Variants in LAMA2 observed in about 807,000 individuals in gnomAD.
The protein encoded by LAMA2 is laminin subunit alpha-2.
LAMA2 carries 269 observed loss-of-function variants against 364.8 expected under a neutral mutation model. That is an observed-to-expected ratio of 0.74 (90% CI 0.67 to 0.82). The LOEUF (loss-of-function observed/expected upper bound fraction) is 0.82. Among genes scored for constraint, LAMA2 ranks in the 40% least tolerant of loss-of-function variants. LAMA2 has a pLI of 0.00. For synonymous variants in LAMA2, 1,379 were observed against 1,370.6 expected, an observed-to-expected ratio of 1.01 and a Z score of -0.14; for missense variants, 3,807 against 3,873.2, an observed-to-expected ratio of 0.98 and a Z score of 0.45.
At chr6:129,235,343 C>T (rs1784915506) in intron 12 of LAMA2, among the ~76,000 whole-genome samples, 1 of 152,136 alleles carries the variant, frequency 6.6e-6, no homozygotes. Flanking sequence ...GACACTGGTG[C>T]TCCCCCTGTG....
chr6:128,963,860 G>A (rs1037150233), intron 1 of LAMA2, among the ~76,000 whole-genome samples: 4 of 152,106 alleles, frequency 2.6e-5, no homozygotes, highest in African/African-American at 9.7e-5. Flanking sequence ...CATCTGAATA[G>A]TCTAAATTAT....
chr6:128,951,923 G>A (rs185716981), intron 1 of LAMA2, among the ~76,000 whole-genome samples: 103 of 152,326 alleles, frequency 6.8e-4, no homozygotes, highest in Non-Finnish European at 1.3e-3. Context: ...ACAGCACTTT[G>A]GGAGGCTTGT....
rs559221653 is a variant in LAMA2, at chr6:129,458,745, C to T, written c.6868-1455C>T. On this transcript the variant is annotated intron_variant, in intron 48 of 64. Transcript: ENST00000421865. ...CATGTTGATGGGTTTAACCTAAAAC[C>T]ATAGCAGTAGGCTATACCATAGAGC... Among the ~76,000 whole-genome samples the T allele has an allele frequency of 4.1e-4, 63 of 152,096 alleles. 1 individual carries two copies. The highest frequency in any genetic ancestry group is 2.2e-3 in the Admixed American group (34 of 15,240).
At chr6:128,920,319 A>T (rs1417366162) in intron 1 of LAMA2, among the ~76,000 whole-genome samples, 1 of 151,872 alleles carries the variant, frequency 6.6e-6, no homozygotes, top group Admixed American at 6.6e-5. Flanking sequence ...CACCACGCCC[A>T]GCTAATTTTT....
intron 51 of LAMA2, among the ~76,000 whole-genome samples, chr6:129,470,251 G>T (rs374137507): frequency 3.3e-5 from 5 of 151,792 alleles, no homozygotes; most frequent in East Asian, 1.9e-4. Context: ...ACAAAAAAAA[G>T]TAAGTTAAGT....
rs555680301 is a variant in LAMA2, at chr6:129,484,923, A to T, written c.7750-1551A>T. 2.0e-5 allele frequency among the ~76,000 whole-genome samples: 3 copies of T among 152,290 alleles called. No homozygotes were observed. The East Asian group carries it at 5.8e-4, about 29-fold the overall frequency. ...TATTATACAGTGTTAACGCAGCTTCATCGTTTACATGTATATCACTCATAT... is the reference window on the plus strand; with the variant it reads ...TATTATACAGTGTTAACGCAGCTTCTTCGTTTACATGTATATCACTCATAT... On this transcript the variant is annotated intron_variant, in intron 55 of 64. Coordinates refer to ENST00000421865, the MANE Select transcript of LAMA2 (RefSeq NM_000426.4).
chr6:128,929,949 C>T (rs964197642), intron 1 of LAMA2: 217 of 717,324 alleles, frequency 3.0e-4, no homozygotes, highest in Middle Eastern at 7.6e-4. Context: ...CCCACCTGGA[C>T]CCACCACTCC....
chr6:129,486,505 G>A lies in LAMA2; in HGVS notation c.7781G>A (p.Arg2594His), dbSNP rs368311592. Reference sequence around the variant, plus strand: ...TATGCAATACTCCTCAACAGGGGCCGTCTGGAAGTGCATCTCTCCACAGGG... The same window carrying A: ...TATGCAATACTCCTCAACAGGGGCCATCTGGAAGTGCATCTCTCCACAGGG... ...AYYAILLNRGRLEVHLSTGAR... is the reference protein window; with the variant it reads ...AYYAILLNRGHLEVHLSTGAR... Residue 2594 changes from arginine (R) to histidine (H), a missense_variant, in exon 56 of 65, where the codon CGT becomes CAT. Arg to His is a conservative substitution (Grantham distance 29). This residue lies in a region of LAMA2 where 3,333 missense variants were observed against 3,345.7 expected (regional missense o/e 1.00). Transcript: ENST00000421865. 43 of 1,613,688 alleles carry A rather than the reference G, an allele frequency of 2.7e-5. No homozygotes were observed. Among genetic ancestry groups the A allele is most frequent in the South Asian group, 1.2e-4 (11 of 91,082 alleles).
intron 45 of LAMA2, among the ~76,000 whole-genome samples, chr6:129,446,922 G>A (rs1782414842): frequency 6.6e-6 from 1 of 152,078 alleles, no homozygotes; most frequent in African/African-American, 2.4e-5. Context: ...TGAAGATGAT[G>A]TTACATAAGA....
intron 1 of LAMA2, among the ~76,000 whole-genome samples, chr6:129,032,525 C>T (rs1286211384): frequency 1.3e-5 from 2 of 152,096 alleles, no homozygotes; most frequent in African/African-American, 2.4e-5. Context: ...AGGCAGTATT[C>T]GTTGAATGTG....
At chr6:129,399,925 C>G (rs1447982292) in intron 37 of LAMA2, among the ~76,000 whole-genome samples, 1 of 152,202 alleles carries the variant, frequency 6.6e-6, no homozygotes, top group Non-Finnish European at 1.5e-5. Context: ...GGGTTTAAAT[C>G]TTAATCACAC....
intron 4 of LAMA2, among the ~76,000 whole-genome samples, chr6:129,114,527 C>G (rs1288164350): frequency 6.6e-6 from 1 of 151,930 alleles, no homozygotes; most frequent in Non-Finnish European, 1.5e-5. Flanking sequence ...TACAAATAAA[C>G]TTTTGCTTGT....
intron 4 of LAMA2, among the ~76,000 whole-genome samples, chr6:129,122,311 G>T (rs1776846876): frequency 6.6e-6 from 1 of 152,126 alleles, no homozygotes; most frequent in South Asian, 2.1e-4. Flanking sequence ...AATGTTTCAT[G>T]GAACACCACC....
chr6:129,344,766 G>A (rs1189763017), intron 30 of LAMA2, among the ~76,000 whole-genome samples: 1 of 152,208 alleles, frequency 6.6e-6, no homozygotes, highest in African/African-American at 2.4e-5. Context: ...CACCAAGGGA[G>A]AGAAGAGCAG....
rs564326265 is a variant in LAMA2 at position 129,270,243 on chromosome 6, A to T, written c.2323-381A>T. On this transcript the variant is annotated intron_variant, in intron 16 of 64. Coordinates refer to ENST00000421865, the MANE Select transcript of LAMA2 (RefSeq NM_000426.4). ...GAATCAGCTACAATTTCCATTAAAC[A>T]TATGTTATTAGTGCTCTATGACTAC... Among the ~76,000 whole-genome samples, 3 of 151,216 alleles carry T rather than the reference A, an allele frequency of 2.0e-5. No individual in the cohort carries two copies. The South Asian group carries it at 6.3e-4, about 32-fold the overall frequency.
At position 129,167,009 on chromosome 6, in the gene LAMA2, C is replaced by T. The variant is rs1779784647; in HGVS notation, c.1306+1334C>T. Among the ~76,000 whole-genome samples, 11 of 152,000 alleles carry T rather than the reference C, an allele frequency of 7.2e-5. No homozygotes were observed. The South Asian group carries it at 2.3e-3, about 32-fold the overall frequency. ...ACCAATCCTTTAATAATACTTATTC[C>T]ATATAATTACTTTTCAATTATTGTA... is the stretch of plus-strand genomic sequence containing the variant. On this transcript the variant is annotated intron_variant, in intron 9 of 64. Coordinates refer to ENST00000421865, the MANE Select transcript of LAMA2 (RefSeq NM_000426.4).
intron 1 of LAMA2, among the ~76,000 whole-genome samples, chr6:128,964,694 C>T (rs1474189318): frequency 6.6e-6 from 1 of 152,046 alleles, no homozygotes; most frequent in Non-Finnish European, 1.5e-5. Flanking sequence ...AGATGTATCA[C>T]TTGAAATCCA....
chr6:129,335,913 A>G (rs1775930989), intron 29 of LAMA2, among the ~76,000 whole-genome samples: 1 of 152,222 alleles, frequency 6.6e-6, no homozygotes, highest in African/African-American at 2.4e-5. Flanking sequence ...TACAAGCTCA[A>G]GTGAATTATA....
At chr6:129,431,835 G>T (rs757305542) in intron 41 of LAMA2, among the ~76,000 whole-genome samples, 10 of 152,096 alleles carry the variant, frequency 6.6e-5, no homozygotes, top group Non-Finnish European at 1.3e-4. Flanking sequence ...CAGTCATTCC[G>T]TTCAGACAAG....
Sources: allele counts gnomAD v4.1 joint callset (sites outside exome capture counted in the v4.1 genomes callset), GRCh38; gene constraint gnomAD v4.1.1; regional missense constraint gnomAD v4.1.1; transcripts MANE v1.5; gene names NCBI Gene and HGNC (gene_info 2026-07-23, HGNC 2026-07-21).